Variants in ABCB5 observed in about 807,000 individuals in gnomAD.
The protein encoded by ABCB5 is ATP-binding cassette sub-family B member 5.
A neutral mutation model predicts 144.2 loss-of-function variants in ABCB5; 155 were observed. That is an observed-to-expected ratio of 1.08 (90% CI 0.94 to 1.23). The LOEUF (loss-of-function observed/expected upper bound fraction) is 1.23. Among genes scored for constraint, ABCB5 ranks in the 50% most tolerant of loss-of-function variants. ABCB5 has a pLI of 0.00. For missense variants in ABCB5, 1,830 were observed against 1,520.8 expected (o/e 1.20, Z -3.38); for synonymous variants, 610 against 528.6 (o/e 1.15, Z -2.11).
chr7:20,716,902 C>T (rs1476764253), intron 20 of ABCB5, among the ~76,000 whole-genome samples: 1 of 152,116 alleles, frequency 6.6e-6, no homozygotes, highest in African/African-American at 2.4e-5. Context: ...CCAGCGCAGC[C>T]TTAGGGAATC....
At chr7:20,629,178 G>T (rs1033627494) in intron 4 of ABCB5, among the ~76,000 whole-genome samples, 1 of 150,952 alleles carries the variant, frequency 6.6e-6, no homozygotes, top group African/African-American at 2.5e-5. Context: ...GTGTGTGTGT[G>T]TGTGTGTAAA....
chr7:20,656,366 T>C (rs918304142), intron 13 of ABCB5, among the ~76,000 whole-genome samples: 6 of 152,120 alleles, frequency 3.9e-5, no homozygotes, highest in Non-Finnish European at 7.4e-5. Context: ...ATAATATACA[T>C]GTCCGACAAG....
At chr7:20,680,857 G>T (rs1002170995) in intron 14 of ABCB5, among the ~76,000 whole-genome samples, 9 of 151,606 alleles carry the variant, frequency 5.9e-5, no homozygotes, top group African/African-American at 2.2e-4. Flanking sequence ...AATTTCTATT[G>T]GCCTTCTTAT....
At chr7:20,628,442 T>C (rs1320916178) in intron 3 of ABCB5, among the ~76,000 whole-genome samples, 1 of 152,182 alleles carries the variant, frequency 6.6e-6, no homozygotes, top group East Asian at 1.9e-4. Flanking sequence ...AAGTCTGCTA[T>C]TGTGAATAGT....
intron 1 of ABCB5, among the ~76,000 whole-genome samples, chr7:20,616,261 C>A (rs190518614): frequency 1.3e-5 from 2 of 152,184 alleles, no homozygotes; most frequent in Non-Finnish European, 2.9e-5. Context: ...GTCTCGAACT[C>A]CTGACCTCAG....
intron 23 of ABCB5, among the ~76,000 whole-genome samples, chr7:20,730,954 A>G (rs1399577120): frequency 1.3e-5 from 2 of 152,122 alleles, no homozygotes; most frequent in African/African-American, 2.4e-5. Flanking sequence ...ATTCATACTA[A>G]TGTACGAGGT....
intron 1 of ABCB5, among the ~76,000 whole-genome samples, chr7:20,618,964 G>A (rs560263965): frequency 3.8e-4 from 58 of 151,540 alleles, no homozygotes; most frequent in African/African-American, 1.2e-3. Context: ...TAGTGGAGAC[G>A]GGGTTTCACC....
At chr7:20,697,264 C>G (rs1786452380) in intron 16 of ABCB5, among the ~76,000 whole-genome samples, 1 of 152,088 alleles carries the variant, frequency 6.6e-6, no homozygotes, top group African/African-American at 2.4e-5. Flanking sequence ...TTCTGTTGTC[C>G]AAACAACAGT....
chr7:20,707,237 G>A (rs1417718021), intron 20 of ABCB5, among the ~76,000 whole-genome samples: 1 of 152,018 alleles, frequency 6.6e-6, no homozygotes, highest in Non-Finnish European at 1.5e-5. Context: ...ACAAATCTTA[G>A]TTTGAAACCT....
chr7:20,711,772 T>TCTC lies in ABCB5; in HGVS notation c.2421+6965_2421+6966insCTC, dbSNP rs1787045797. Among the ~76,000 whole-genome samples, 3 of 49,896 alleles carry TCTC rather than the reference T, an allele frequency of 6.0e-5. 1 individual carries two copies. The highest frequency in any genetic ancestry group is 2.6e-4 in the Admixed American group (1 of 3,896). The allele number at this position is 49,896 out of a possible 152,430, so 32.7% of individuals were successfully genotyped here. A position where few individuals can be genotyped will look rare whatever the true frequency, so the allele number is the denominator to read the frequency against. ...CCCAGCCCAGCCTGCCTGCCTTTCC[T>TCTC]TCTTTCTCTTTCTTTCTTTCTTTCT... On this transcript the variant is annotated intron_variant, in intron 20 of 27. Coordinates refer to ENST00000404938, the MANE Select transcript of ABCB5 (RefSeq NM_001163941.2).
Position 20,645,842 on chromosome 7 carries a change from A to G in ABCB5, c.765A>G (p.Thr255=). ...VAEEVLSSIR[T]VIAFRAQEKE... is the part of the protein sequence containing the mutation. ...AAGAAGTCTTGTCATCAATCCGAAC[A>G]GTCATAGCCTTTAGGGCCCAGGAGA... Residue 255 remains threonine, a synonymous_variant, in exon 8 of 28, where the codon ACA becomes ACG. Transcript: ENST00000404938. 1.9e-6 allele frequency: 3 copies of G among 1,613,884 alleles called. No homozygotes were observed. Among genetic ancestry groups the G allele is most frequent in the Non-Finnish European group, 8.5e-7 (1 of 1,179,776 alleles).
chr7:20,678,144 G>T (rs931601596), intron 14 of ABCB5, among the ~76,000 whole-genome samples: 10 of 152,146 alleles, frequency 6.6e-5, no homozygotes, highest in African/African-American at 1.7e-4. Context: ...TTCTACATAG[G>T]TGTCTTTTTT....
chr7:20,720,806 T>C (rs1425055297), intron 20 of ABCB5, among the ~76,000 whole-genome samples: 2 of 151,590 alleles, frequency 1.3e-5, no homozygotes, highest in Non-Finnish European at 2.9e-5. Context: ...TAGCCGGGCA[T>C]GGTGGTGCGC....
At chr7:20,717,223 G>GTCA (rs1325059125) in intron 20 of ABCB5, among the ~76,000 whole-genome samples, 2 of 152,128 alleles carry the variant, frequency 1.3e-5, no homozygotes, top group African/African-American at 4.8e-5. Context: ...CAGTGTGTTA[G>GTCA]TCAGCTCGGG....
At chr7:20,663,872 C>G (rs1176638069) in intron 14 of ABCB5, among the ~76,000 whole-genome samples, 1 of 151,996 alleles carries the variant, frequency 6.6e-6, no homozygotes, top group African/African-American at 2.4e-5. Flanking sequence ...CACACCACCA[C>G]ACCCGGCTAA....
chr7:20,661,258 G>T (rs2390348), intron 14 of ABCB5, among the ~76,000 whole-genome samples: 36,106 of 152,064 alleles, frequency 0.24, 4,562 homozygotes, highest in African/African-American at 0.31. Flanking sequence ...CCTACCATTC[G>T]CCCCAACAAT....
chr7:20,683,597 G>A (rs543523996), intron 15 of ABCB5, among the ~76,000 whole-genome samples: 4 of 152,114 alleles, frequency 2.6e-5, no homozygotes, highest in Admixed American at 6.5e-5. Context: ...AAGCAAAAAT[G>A]GTGTGTTTGT....
At chr7:20,700,983 G>C (rs1309190800) in intron 19 of ABCB5, among the ~76,000 whole-genome samples, 1 of 152,162 alleles carries the variant, frequency 6.6e-6, no homozygotes, top group Non-Finnish European at 1.5e-5. Flanking sequence ...AGGCTGCCGT[G>C]CAACAGCTGT....
chr7:20,619,855 A>C (rs1326257637), intron 1 of ABCB5, among the ~76,000 whole-genome samples: 1 of 152,218 alleles, frequency 6.6e-6, no homozygotes, highest in Non-Finnish European at 1.5e-5. Flanking sequence ...ATTTTTATCT[A>C]TGGTGAAATG....
Sources: allele counts gnomAD v4.1 joint callset (sites outside exome capture counted in the v4.1 genomes callset), GRCh38; gene constraint gnomAD v4.1.1; transcripts MANE v1.5; gene names NCBI Gene and HGNC (gene_info 2026-07-23, HGNC 2026-07-21).